The following PCMTD1 variants were observed in gnomAD, a reference collection of about 807,000 sequenced individuals.
The protein encoded by PCMTD1 is protein-L-isoaspartate O-methyltransferase domain-containing protein 1.
In PCMTD1, 12 loss-of-function variants were observed where a neutral mutation model predicts 37.6. The observed-to-expected ratio is 0.32, with a 90% CI of 0.20 to 0.52. PCMTD1 has a LOEUF of 0.52. Ranked by LOEUF, PCMTD1 falls within the 20% of genes least tolerant of loss-of-function variation. PCMTD1 has a pLI of 0.97. For missense variants in PCMTD1, 235 were observed against 421.3 expected, an observed-to-expected ratio of 0.56 and a Z score of 3.87; for synonymous variants, 117 against 135.8, an observed-to-expected ratio of 0.86 and a Z score of 0.96.
chr8:51,822,774 G>A (rs10086425), intron 5 of PCMTD1, among the ~76,000 whole-genome samples: 77,101 of 151,980 alleles, frequency 0.51, 23,662 homozygotes, highest in Non-Finnish European at 0.68. Flanking sequence ...AAGACCAAGA[G>A]TAGAAGAAAG....
intron 3 of PCMTD1, among the ~76,000 whole-genome samples, chr8:51,839,262 G>C (rs2038111997): frequency 6.6e-6 from 1 of 151,926 alleles, no homozygotes; most frequent in South Asian, 2.1e-4. Flanking sequence ...ATCATTTATT[G>C]ATTTAAACCT....
In PCMTD1 at chr8:51,879,747, G is replaced by T. The variant is rs541394564; in HGVS notation, c.-95-18501C>A. Among the ~76,000 whole-genome samples the T allele has an allele frequency of 4.6e-5, 7 of 152,246 alleles. No individual in the cohort carries two copies. In the East Asian group the frequency reaches 1.4e-3, roughly 29 times the overall value. On this transcript the variant is annotated intron_variant, in intron 1 of 5. Transcript: ENST00000522514. ...GGCAAAACGTAAAAATGATAAAAAT[G>T]ATGTATTCTATCTGGCAAAGCACAC... is the stretch of plus-strand genomic sequence containing the variant.
chr8:51,896,951 T>C (rs1040428847), intron 1 of PCMTD1, among the ~76,000 whole-genome samples: 1 of 151,488 alleles, frequency 6.6e-6, no homozygotes, highest in Non-Finnish European at 1.5e-5. Flanking sequence ...TATTACTCTA[T>C]AGAATGAGAA....
At chr8:51,848,105 A>C (rs1454020774) in intron 2 of PCMTD1, among the ~76,000 whole-genome samples, 3 of 151,956 alleles carry the variant, frequency 2.0e-5, no homozygotes, top group Middle Eastern at 3.2e-3. Flanking sequence ...AAAAGAAGAA[A>C]GAAAGAAAAA....
At chr8:51,827,385 T>C (rs1177587887) in intron 5 of PCMTD1, 9 of 716,334 alleles carry the variant, frequency 1.3e-5, no homozygotes, top group Non-Finnish European at 1.9e-5. Context: ...ATGGAAAAAT[T>C]GAGAAATAAG....
chr8:51,850,387 A>G (rs1024275411), intron 2 of PCMTD1, among the ~76,000 whole-genome samples: 3 of 152,184 alleles, frequency 2.0e-5, no homozygotes, highest in Non-Finnish European at 2.9e-5. Flanking sequence ...ATAACCTGGG[A>G]ATTTTTAATT....
upstream of PCMTD1, chr8:51,899,069 A>T (rs1403475531): frequency 1.3e-6 from 2 of 1,500,234 alleles, no homozygotes; most frequent in African/African-American, 2.9e-5. Flanking sequence ...CGACTGGAGC[A>T]GCCAGAGCCT....
intron 5 of PCMTD1, among the ~76,000 whole-genome samples, chr8:51,823,171 A>G (rs2037873066): frequency 6.6e-6 from 1 of 152,188 alleles, no homozygotes; most frequent in African/African-American, 2.4e-5. Flanking sequence ...CTTCATTTAA[A>G]AGTTCTTTTG....
chr8:51,835,772 T>C (rs2038059054), intron 3 of PCMTD1, among the ~76,000 whole-genome samples: 1 of 152,210 alleles, frequency 6.6e-6, no homozygotes, highest in African/African-American at 2.4e-5. Flanking sequence ...TAGTTAAAAA[T>C]ATGTGGTAGC....
chr8:51,854,139 T>C (rs965605428), intron 2 of PCMTD1, among the ~76,000 whole-genome samples: 1 of 152,146 alleles, frequency 6.6e-6, no homozygotes, highest in Admixed American at 6.5e-5. Flanking sequence ...AGAAATTTCT[T>C]CCTAACTTCT....
rs1401508120 is a variant in PCMTD1, at chr8:51,818,005, T to C, written c.*2346A>G. On this transcript the variant is annotated 3_prime_UTR_variant, in exon 6 of 6. Coordinates refer to ENST00000522514, the MANE Select transcript of PCMTD1 (RefSeq NM_052937.4). ...AATTCCAATACTATATTCCCCATCATTTTCACTTACTTTTACTTAATCTTT... is the reference window on the plus strand; with the variant it reads ...AATTCCAATACTATATTCCCCATCACTTTCACTTACTTTTACTTAATCTTT... 2 of 452,786 alleles carry C rather than the reference T, an allele frequency of 4.4e-6. No homozygotes were observed. Among genetic ancestry groups the C allele is most frequent in the Non-Finnish European group, 8.9e-6 (2 of 224,772 alleles). The allele number at this position is 452,786 out of a possible 1,614,324, so 28.0% of individuals were successfully genotyped here. A position where few individuals can be genotyped will look rare whatever the true frequency, so the allele number is the denominator to read the frequency against.
At chr8:51,890,239 T>A (rs1199030232) in intron 1 of PCMTD1, among the ~76,000 whole-genome samples, 2 of 152,210 alleles carry the variant, frequency 1.3e-5, no homozygotes, top group African/African-American at 2.4e-5. Context: ...AAGTCAAGCC[T>A]ATTAAAAACG....
In PCMTD1 at chr8:51,896,686, A is replaced by G. The variant is rs574423875; in HGVS notation, c.-96+2244T>C. Among the ~76,000 whole-genome samples, 7 of 152,298 alleles carry G rather than the reference A, an allele frequency of 4.6e-5. No individual in the cohort carries two copies. The South Asian group carries it at 1.4e-3, about 32-fold the overall frequency. ...CAGAAACCTCATCTAAAAAAATACC[A>G]TTATAGTTTCACACTATATTCTCTA... is the stretch of plus-strand genomic sequence containing the variant. On this transcript the variant is annotated intron_variant, in intron 1 of 5. Coordinates refer to ENST00000522514, the MANE Select transcript of PCMTD1 (RefSeq NM_052937.4).
At chr8:51,889,536 T>C (rs1008245565) in intron 1 of PCMTD1, among the ~76,000 whole-genome samples, 1 of 152,172 alleles carries the variant, frequency 6.6e-6, no homozygotes, top group Non-Finnish European at 1.5e-5. Flanking sequence ...ACACTGTTGA[T>C]TGCTGAGTCT....
intron 3 of PCMTD1, 52 bp downstream of exon 3, chr8:51,845,609 G>A (rs1468899724): frequency 2.0e-5 from 24 of 1,227,272 alleles, no homozygotes; most frequent in Admixed American, 3.5e-5. Flanking sequence ...TAGACATGTT[G>A]CATGTATCTA....
At chr8:51,829,229 A>C (rs959681655) in intron 5 of PCMTD1, among the ~76,000 whole-genome samples, 3 of 152,172 alleles carry the variant, frequency 2.0e-5, no homozygotes, top group African/African-American at 7.2e-5. Context: ...CTCCCATTAG[A>C]GAAAAATGCT....
intron 1 of PCMTD1, among the ~76,000 whole-genome samples, chr8:51,881,540 C>A (rs771351088): frequency 3.9e-5 from 6 of 152,202 alleles, no homozygotes; most frequent in Non-Finnish European, 8.8e-5. Flanking sequence ...TTTACATCTA[C>A]AGACAGGCAG....
intron 3 of PCMTD1, among the ~76,000 whole-genome samples, chr8:51,837,290 TTTAA>T (rs2038082498): frequency 6.6e-6 from 1 of 152,182 alleles, no homozygotes; most frequent in South Asian, 2.1e-4. Context: ...CATACTTTCC[TTTAA>T]CATGTTTAAA....
intron 2 of PCMTD1, among the ~76,000 whole-genome samples, chr8:51,857,047 C>G (rs547151586): frequency 6.6e-6 from 1 of 152,172 alleles, no homozygotes; most frequent in East Asian, 1.9e-4. Context: ...AGAGAAAGCA[C>G]GAGCACTGAG....
Sources: gnomAD v4.1 joint callset for allele counts (sites outside exome capture counted in the v4.1 genomes callset) on GRCh38, gnomAD v4.1.1 for gene constraint, MANE v1.5 for transcripts, NCBI Gene and HGNC (gene_info 2026-07-23, HGNC 2026-07-21) for gene names.